Variants in FARS2 observed in about 807,000 individuals in gnomAD.
The protein encoded by FARS2 is phenylalanine--tRNA ligase, mitochondrial.
FARS2 carries 40 observed loss-of-function variants against 46.4 expected under a neutral mutation model. The observed-to-expected ratio is 0.86, with a 90% CI of 0.67 to 1.12. The LOEUF is 1.12. Ranked by LOEUF, FARS2 falls within the 50% of genes most tolerant of loss-of-function variation. FARS2 has a pLI of 0.00. For missense variants in FARS2, 513 were observed against 567.9 expected (o/e 0.90, Z 0.98); for synonymous variants, 234 against 214.9 (o/e 1.09, Z -0.78).
chr6:5,405,089 G>T (rs551434219), intron 3 of FARS2, among the ~76,000 whole-genome samples: 2 of 152,226 alleles, frequency 1.3e-5, no homozygotes, highest in East Asian at 3.9e-4. Flanking sequence ...GAGCCACCGC[G>T]CCAGGCCTGA....
chr6:5,365,388 G>T (rs1758599528), intron 1 of FARS2, among the ~76,000 whole-genome samples: 1 of 134,128 alleles, frequency 7.5e-6, no homozygotes, highest in Non-Finnish European at 1.5e-5. Flanking sequence ...CTGGAGTGCA[G>T]TGGTGCAATC....
intron 6 of FARS2, among the ~76,000 whole-genome samples, chr6:5,729,685 C>A (rs1312962284): frequency 6.6e-6 from 1 of 151,966 alleles, no homozygotes; most frequent in Non-Finnish European, 1.5e-5. Flanking sequence ...GTAGGTTACC[C>A]ACAAGTACCT....
chr6:5,727,527 A>G lies in FARS2; in HGVS notation c.1218-43764A>G, dbSNP rs1378954224. Among the ~76,000 whole-genome samples, 1 of 152,192 alleles carries G rather than the reference A, an allele frequency of 6.6e-6. No individual in the cohort carries two copies. The highest frequency in any genetic ancestry group is 1.5e-5 in the Non-Finnish European group (1 of 68,038). On this transcript the variant is annotated intron_variant, in intron 6 of 6. Transcript: ENST00000274680. The surrounding 1 kb of genome is among the most constrained non-coding windows in gnomAD (Gnocchi z 4.1). ...GAAGAAAGTGCATTCCGCGGTCTCCATGTGGTCAGGACTTGGCTCTGTGAG... is the reference window on the plus strand; with the variant it reads ...GAAGAAAGTGCATTCCGCGGTCTCCGTGTGGTCAGGACTTGGCTCTGTGAG...
intron 5 of FARS2, among the ~76,000 whole-genome samples, chr6:5,570,709 C>CCA (rs1448856888): frequency 6.6e-6 from 1 of 152,190 alleles, no homozygotes; most frequent in Non-Finnish European, 1.5e-5. Flanking sequence ...GGGCACAGAA[C>CCA]CACAACATGA....
At chr6:5,271,290 T>G (rs1765926465) in intron 1 of FARS2, among the ~76,000 whole-genome samples, 1 of 152,212 alleles carries the variant, frequency 6.6e-6, no homozygotes, top group South Asian at 2.1e-4. Context: ...AGAGAGCTTC[T>G]GGACCAAGAG....
intron 4 of FARS2, among the ~76,000 whole-genome samples, chr6:5,490,484 A>G (rs1225684343): frequency 6.6e-6 from 1 of 152,200 alleles, no homozygotes; most frequent in Non-Finnish European, 1.5e-5. Flanking sequence ...GTATTTTTTA[A>G]AGCAACTGTA....
At chr6:5,671,826 G>A (rs1778481616) in intron 6 of FARS2, among the ~76,000 whole-genome samples, 1 of 152,188 alleles carries the variant, frequency 6.6e-6, no homozygotes, top group Non-Finnish European at 1.5e-5. Flanking sequence ...ATCAACGCGG[G>A]GAGGTGAGGC....
At chr6:5,505,780 C>T (rs941833758) in intron 4 of FARS2, among the ~76,000 whole-genome samples, 2 of 152,192 alleles carry the variant, frequency 1.3e-5, no homozygotes, top group Non-Finnish European at 2.9e-5. Flanking sequence ...AAAAGGAAGA[C>T]AGCAGATGCA....
At chr6:5,687,226 G>C (rs921450766) in intron 6 of FARS2, among the ~76,000 whole-genome samples, 2 of 152,150 alleles carry the variant, frequency 1.3e-5, no homozygotes, top group African/African-American at 4.8e-5. Flanking sequence ...GTCAATTTTG[G>C]CTTTTGTTGC....
At chr6:5,738,494 G>A (rs1414190952) in intron 6 of FARS2, among the ~76,000 whole-genome samples, 1 of 150,724 alleles carries the variant, frequency 6.6e-6, no homozygotes, top group African/African-American at 2.5e-5. Flanking sequence ...ATGACAGAGA[G>A]CATCATCATT....
upstream of FARS2, among the ~76,000 whole-genome samples, chr6:5,257,973 G>C (rs1289737788): frequency 6.6e-6 from 1 of 152,208 alleles, no homozygotes; most frequent in Non-Finnish European, 1.5e-5. Flanking sequence ...GGGATGAAGA[G>C]AGTTGGGAAA....
intron 6 of FARS2, among the ~76,000 whole-genome samples, chr6:5,708,145 G>A (rs972202691): frequency 2.0e-5 from 3 of 152,146 alleles, no homozygotes; most frequent in African/African-American, 4.8e-5. Flanking sequence ...TAGAAGGGCC[G>A]GGTAGCAGAG....
intron 3 of FARS2, among the ~76,000 whole-genome samples, chr6:5,420,612 A>G (rs1276384972): frequency 1.3e-5 from 2 of 152,202 alleles, no homozygotes; most frequent in Admixed American, 6.5e-5. Flanking sequence ...GATCTCCTTC[A>G]ACGCCATGTC....
Position 5,613,156 on chromosome 6 carries a change from CTT to C in FARS2, c.1066-12_1066-11del, listed in dbSNP as rs1424235482. On this transcript the variant is annotated splice_polypyrimidine_tract_variant and intron_variant, in intron 5 of 6. Transcript: ENST00000274680. ...AACAAGTTCATGTATCTTTTCTCCTCTTGTTTTGTTAGCCTCTTAGCAAATAT... is the reference window on the plus strand; with the variant it reads ...AACAAGTTCATGTATCTTTTCTCCTCGTTTTGTTAGCCTCTTAGCAAATAT... The C allele has an allele frequency of 1.2e-6, 2 of 1,608,390 alleles. No homozygotes were observed. Among genetic ancestry groups the C allele is most frequent in the Non-Finnish European group, 8.5e-7 (1 of 1,177,452 alleles).
intron 1 of FARS2, among the ~76,000 whole-genome samples, chr6:5,275,630 C>T (rs999772867): frequency 6.6e-6 from 1 of 152,066 alleles, no homozygotes; most frequent in African/African-American, 2.4e-5. Context: ...GCCCTGTCAC[C>T]ACCAAGAATA....
At chr6:5,716,550 G>A (rs190999482) in intron 6 of FARS2, among the ~76,000 whole-genome samples, 1 of 152,336 alleles carries the variant, frequency 6.6e-6, no homozygotes, top group Admixed American at 6.5e-5. Flanking sequence ...GCAAACACCA[G>A]CAGGTGTCCT....
At chr6:5,389,598 T>C (rs993840155) in intron 2 of FARS2, among the ~76,000 whole-genome samples, 1 of 152,238 alleles carries the variant, frequency 6.6e-6, no homozygotes, top group Non-Finnish European at 1.5e-5. Context: ...TTTGGTCTAT[T>C]ACCTCAGGCA....
intron 4 of FARS2, among the ~76,000 whole-genome samples, chr6:5,515,414 G>A (rs777528508): frequency 1.6e-4 from 25 of 151,614 alleles, no homozygotes; most frequent in Admixed American, 6.6e-4. Context: ...CTGATTCAGC[G>A]TTTTTTTATT....
chr6:5,357,018 T>G (rs1231920439), intron 1 of FARS2, among the ~76,000 whole-genome samples: 2 of 152,090 alleles, frequency 1.3e-5, no homozygotes, highest in Non-Finnish European at 2.9e-5. Flanking sequence ...AACTCCGATA[T>G]GTAGGCCTGA....
Sources: gnomAD v4.1 joint callset for allele counts (sites outside exome capture counted in the v4.1 genomes callset) on GRCh38, gnomAD v4.1.1 for gene constraint, Gnocchi (gnomAD v3.1) non-coding constraint, MANE v1.5 for transcripts, NCBI Gene and HGNC (gene_info 2026-07-23, HGNC 2026-07-21) for gene names.